The following B4GALT1 variants were observed in gnomAD, a reference collection of about 807,000 sequenced individuals.
B4GALT1 encodes the protein beta-1,4-galactosyltransferase 1.
A neutral mutation model predicts 34.9 loss-of-function variants in B4GALT1; 16 were observed. The ratio of observed to expected loss-of-function variants is 0.46; its 90% CI spans 0.31 to 0.70. The LOEUF (loss-of-function observed/expected upper bound fraction) is 0.70, where lower values mean the gene tolerates loss of function less well. B4GALT1 is among the 30% of genes least tolerant of loss of function. The probability of loss-of-function intolerance (pLI) is 0.05; values close to 1 mark genes in which losing one functional copy is unlikely to be tolerated. For missense variants in B4GALT1, 445 were observed against 530.5 expected (o/e 0.84, Z 1.58); for synonymous variants, 221 against 218.1 (o/e 1.01, Z -0.12).
chr9:33,164,286 GC>G (rs1335280205), intron 1 of B4GALT1, among the ~76,000 whole-genome samples: 1 of 152,132 alleles, frequency 6.6e-6, no homozygotes, highest in African/African-American at 2.4e-5. Context: ...GCTGACACCT[GC>G]CCATGAACAG....
intron 1 of B4GALT1, among the ~76,000 whole-genome samples, chr9:33,137,747 CCATCTGATGGG>C (rs1166745929): frequency 2.0e-5 from 3 of 152,130 alleles, no homozygotes; most frequent in African/African-American, 4.8e-5. Context: ...CTCCGATGGA[CCATCTGATGGG>C]CATCTGATGT....
intron 1 of B4GALT1, among the ~76,000 whole-genome samples, chr9:33,154,061 G>C (rs1414318126): frequency 7.2e-6 from 1 of 139,508 alleles, no homozygotes; most frequent in Non-Finnish European, 1.6e-5. Context: ...GAGGGAGGGA[G>C]GGAAAGACTA....
At chr9:33,179,761 G>C in the B4GALT1 span, 27 of 152,320 alleles carry the variant, frequency 1.8e-4, no homozygotes, top group African/African-American at 6.5e-4. Flanking sequence ...TAAATGTTCT[G>C]AGAATATTTG....
chr9:33,132,888 T>TTTTATTTA (rs577132429), intron 2 of B4GALT1, among the ~76,000 whole-genome samples: 20 of 152,186 alleles, frequency 1.3e-4, no homozygotes, highest in African/African-American at 4.3e-4. Flanking sequence ...CAAGTATATA[T>TTTTATTTA]TTTATTTATT....
intron 2 of B4GALT1, among the ~76,000 whole-genome samples, chr9:33,126,390 A>G (rs1840096356): frequency 6.6e-6 from 1 of 152,148 alleles, no homozygotes; most frequent in African/African-American, 2.4e-5. Context: ...GAGGGCTAAT[A>G]ATATCTACTC....
chr9:33,158,030 C>G (rs567703125), intron 1 of B4GALT1, among the ~76,000 whole-genome samples: 1 of 152,278 alleles, frequency 6.6e-6, no homozygotes, highest in Non-Finnish European at 1.5e-5. Context: ...TCTGCTTAGA[C>G]AGACATGATG....
intron 1 of B4GALT1, among the ~76,000 whole-genome samples, chr9:33,136,893 C>G (rs1209945108): frequency 6.6e-6 from 1 of 152,206 alleles, no homozygotes; most frequent in African/African-American, 2.4e-5. Flanking sequence ...GCTCTCCAAG[C>G]ACCCCCTACT....
chr9:33,183,276 A>C, the B4GALT1 span, among the ~76,000 whole-genome samples: 1 of 152,070 alleles, frequency 6.6e-6, no homozygotes, highest in South Asian at 2.1e-4. Flanking sequence ...CAAATAAAAA[A>C]AACATAGGAT....
chr9:33,141,190 G>A (rs531985237), intron 1 of B4GALT1, among the ~76,000 whole-genome samples: 5 of 152,154 alleles, frequency 3.3e-5, no homozygotes, highest in East Asian at 1.9e-4. Flanking sequence ...GGGAGTGGGC[G>A]GCAGGGTGAG....
At chr9:33,130,932 G>C (rs1454555993) in intron 2 of B4GALT1, among the ~76,000 whole-genome samples, 1 of 152,128 alleles carries the variant, frequency 6.6e-6, no homozygotes, top group Non-Finnish European at 1.5e-5. Flanking sequence ...ATGGAGAGTG[G>C]AGAGGCAGGA....
Position 33,167,064 on chromosome 9 carries a change from C to T in B4GALT1, c.106G>A (p.Val36Ile). ...LVAVCALHLGVTLVYYLAGRD... is the reference protein window; with the variant it reads ...LVAVCALHLGITLVYYLAGRD... ...CCAGCCAGGTAGTAAACGAGGGTGA[C>T]GCCAAGGTGCAGAGCGCAGACGGCC... Residue 36 changes from valine (V) to isoleucine (I), a missense_variant, in exon 1 of 6, where the codon GTC becomes ATC. By Grantham distance (29) the Val-to-Ile change is conservative. This residue lies in a region of B4GALT1 where 349 missense variants were observed against 395.5 expected (regional missense o/e 0.88). Coordinates refer to ENST00000379731, the MANE Select transcript of B4GALT1 (RefSeq NM_001497.4). 8 of 1,602,834 alleles carry T rather than the reference C, an allele frequency of 5.0e-6. No homozygotes were observed. Among genetic ancestry groups the T allele is most frequent in the Non-Finnish European group, 5.9e-6 (7 of 1,178,982 alleles).
At chr9:33,175,304 C>T in the B4GALT1 span, among the ~76,000 whole-genome samples, 12 of 151,334 alleles carry the variant, frequency 7.9e-5, 1 homozygote, top group South Asian at 2.3e-3. Flanking sequence ...CAGTAAGACC[C>T]TGTCACTAAA....
chr9:33,138,441 A>T (rs1840302484), intron 1 of B4GALT1, among the ~76,000 whole-genome samples: 2 of 152,144 alleles, frequency 1.3e-5, no homozygotes, highest in Admixed American at 1.3e-4. Context: ...ATCCAAAGCA[A>T]GATCTTTAGA....
intron 1 of B4GALT1, among the ~76,000 whole-genome samples, chr9:33,135,771 C>T (rs776863027): frequency 5.3e-5 from 8 of 152,178 alleles, no homozygotes; most frequent in East Asian, 1.9e-4. Context: ...TCAGTGATCA[C>T]GGATGAGAAG....
chr9:33,124,862 C>T (rs1840068724), intron 2 of B4GALT1, among the ~76,000 whole-genome samples: 1 of 152,218 alleles, frequency 6.6e-6, no homozygotes, highest in Non-Finnish European at 1.5e-5. Context: ...CTGTGGCTTA[C>T]ATGATTAGAG....
At chr9:33,141,080 C>T (rs960018231) in intron 1 of B4GALT1, among the ~76,000 whole-genome samples, 3 of 152,228 alleles carry the variant, frequency 2.0e-5, no homozygotes, top group Non-Finnish European at 4.4e-5. Flanking sequence ...TCACCCACTT[C>T]CCCTAAGCAT....
In B4GALT1 at chr9:33,166,947, C is replaced by A; in HGVS notation, c.223G>T (p.Gly75Trp). Residue 75 changes from glycine to tryptophan, a missense_variant, in exon 1 of 6, where the codon GGG becomes TGG. Gly to Trp is a radical substitution (Grantham distance 184, BLOSUM62 -2). This residue lies in a region of B4GALT1 where 349 missense variants were observed against 395.5 expected (regional missense o/e 0.88). Coordinates refer to ENST00000379731, the MANE Select transcript of B4GALT1 (RefSeq NM_001497.4). ...CGGGCCCCTCCGGTCCGGAGCTCCC[C>A]GGAGGACTGCCCGATGGCGGCGGCA... ...NSAAAIGQSSGELRTGGARPP... is the reference protein window; with the variant it reads ...NSAAAIGQSSWELRTGGARPP... The A allele has an allele frequency of 1.3e-6, 2 of 1,574,814 alleles. No individual in the cohort carries two copies. The highest frequency in any genetic ancestry group is 2.3e-5 in the East Asian group (1 of 43,792).
At chr9:33,175,477 G>A in the B4GALT1 span, among the ~76,000 whole-genome samples, 1 of 152,002 alleles carries the variant, frequency 6.6e-6, no homozygotes, top group Non-Finnish European at 1.5e-5. Flanking sequence ...GAGTAATAGG[G>A]CATCATATCG....
At chr9:33,181,966 T>C in the B4GALT1 span, among the ~76,000 whole-genome samples, 3 of 150,910 alleles carry the variant, frequency 2.0e-5, no homozygotes, top group East Asian at 3.9e-4. Context: ...TTCTTTCTTT[T>C]TTTTTTTTTT....
Sources: gnomAD v4.1 joint callset for allele counts (sites outside exome capture counted in the v4.1 genomes callset) on GRCh38, gnomAD v4.1.1 for gene constraint, gnomAD v4.1.1 regional missense constraint, MANE v1.5 for transcripts, NCBI Gene and HGNC (gene_info 2026-07-23, HGNC 2026-07-21) for gene names.